CDK14: variants seen among roughly 807,000 people sequenced by gnomAD.
The protein encoded by CDK14 is cyclin-dependent kinase 14.
Under a neutral mutation model 60.7 loss-of-function variants are expected in CDK14, and 34 were observed. That is an observed-to-expected ratio of 0.56 (90% CI 0.43 to 0.75). The LOEUF (loss-of-function observed/expected upper bound fraction) is 0.75, where lower values mean the gene tolerates loss of function less well. Among genes scored for constraint, CDK14 ranks in the 30% least tolerant of loss-of-function variants. The probability of loss-of-function intolerance (pLI) is 0.00; values close to 1 mark genes in which losing one functional copy is unlikely to be tolerated. For synonymous variants in CDK14, 197 were observed against 203.7 expected (o/e 0.97, Z 0.28); for missense variants, 482 against 564.1 (o/e 0.85, Z 1.47).
chr7:90,856,954 C>A (rs1486700229), intron 5 of CDK14, among the ~76,000 whole-genome samples: 1 of 152,062 alleles, frequency 6.6e-6, no homozygotes, highest in South Asian at 2.1e-4. Context: ...ATGAAAGGAG[C>A]CTGTGAATGT....
chr7:90,826,421 G>T (rs182462047), intron 5 of CDK14, among the ~76,000 whole-genome samples: 2 of 151,974 alleles, frequency 1.3e-5, no homozygotes, highest in Non-Finnish European at 1.5e-5. Flanking sequence ...GTTTCACCAC[G>T]TTGTCCAGGC....
intron 14 of CDK14, among the ~76,000 whole-genome samples, chr7:91,128,815 C>T (rs974125990): frequency 7.2e-5 from 11 of 152,026 alleles, no homozygotes; most frequent in Admixed American, 1.3e-4. Flanking sequence ...CTTTCAATTC[C>T]GCATTGCAGA....
intron 6 of CDK14, among the ~76,000 whole-genome samples, chr7:90,884,124 A>G (rs1791865292): frequency 1.3e-5 from 2 of 151,874 alleles, no homozygotes; most frequent in South Asian, 2.1e-4. Flanking sequence ...AGGGTATTCA[A>G]AGAGAGAGGA....
intron 5 of CDK14, among the ~76,000 whole-genome samples, chr7:90,807,859 G>A (rs1470754287): frequency 6.6e-6 from 1 of 152,162 alleles, no homozygotes; most frequent in African/African-American, 2.4e-5. Flanking sequence ...GGAAGAAAGG[G>A]TATCAGTGAT....
chr7:91,053,807 G>A (rs1211958691), intron 11 of CDK14, among the ~76,000 whole-genome samples: 2 of 151,852 alleles, frequency 1.3e-5, no homozygotes, highest in Non-Finnish European at 2.9e-5. Flanking sequence ...GGAAGACTGC[G>A]GGGGGGCTCT....
intron 2 of CDK14, among the ~76,000 whole-genome samples, chr7:90,665,467 G>A (rs1800959789): frequency 6.6e-6 from 1 of 152,162 alleles, no homozygotes; most frequent in Non-Finnish European, 1.5e-5. Context: ...GCAATGGATA[G>A]CAAACAAACC....
intron 10 of CDK14, among the ~76,000 whole-genome samples, chr7:91,019,223 A>G (rs1480546666): frequency 6.6e-6 from 1 of 152,166 alleles, no homozygotes; most frequent in African/African-American, 2.4e-5. Context: ...CTTTCTCTTC[A>G]TCATCCCCAT....
chr7:90,818,256 G>C (rs1789425247), intron 5 of CDK14, among the ~76,000 whole-genome samples: 2 of 152,284 alleles, frequency 1.3e-5, no homozygotes, highest in South Asian at 4.1e-4. Context: ...TGGAAAAATG[G>C]ATTAACCAGA....
chr7:91,020,498 A>G (rs1228938111), intron 10 of CDK14, among the ~76,000 whole-genome samples: 2 of 152,216 alleles, frequency 1.3e-5, no homozygotes, highest in Non-Finnish European at 2.9e-5. Context: ...ATGTGTGTGT[A>G]CATGCATGCA....
At chr7:91,040,804 C>T (rs1280876368) in intron 10 of CDK14, among the ~76,000 whole-genome samples, 2 of 152,310 alleles carry the variant, frequency 1.3e-5, no homozygotes, top group East Asian at 3.9e-4. Context: ...GGGAAAAGCC[C>T]ATGGACTCCT....
intron 2 of CDK14, among the ~76,000 whole-genome samples, chr7:90,621,288 C>A (rs1332786742): frequency 2.6e-5 from 4 of 152,134 alleles, no homozygotes; most frequent in Admixed American, 6.5e-5. Context: ...TGTTTATTGT[C>A]TGGCAGGGGA....
chr7:90,812,819 T>A (rs138177103), intron 5 of CDK14, among the ~76,000 whole-genome samples: 1 of 152,256 alleles, frequency 6.6e-6, no homozygotes, highest in African/African-American at 2.4e-5. Context: ...GTTGGGAATA[T>A]CTGCTTGTGG....
chr7:90,995,550 G>T (rs1328544508), intron 10 of CDK14, among the ~76,000 whole-genome samples: 3 of 152,118 alleles, frequency 2.0e-5, no homozygotes, highest in Non-Finnish European at 4.4e-5. Flanking sequence ...CTTTTATAGA[G>T]ATATACTAAT....
chr7:90,907,229 T>G (rs1056425419), intron 7 of CDK14, among the ~76,000 whole-genome samples: 3 of 151,948 alleles, frequency 2.0e-5, no homozygotes, highest in Admixed American at 1.3e-4. Context: ...AATTCCCCAC[T>G]CCCTTTAAAG....
intron 4 of CDK14, among the ~76,000 whole-genome samples, chr7:90,786,185 A>C (rs1006363864): frequency 6.6e-6 from 1 of 152,228 alleles, no homozygotes; most frequent in African/African-American, 2.4e-5. Flanking sequence ...ATGGCTCTCT[A>C]TACAGCTTAA....
chr7:90,808,168 T>C (rs1413910656), intron 5 of CDK14, among the ~76,000 whole-genome samples: 1 of 152,008 alleles, frequency 6.6e-6, no homozygotes, highest in African/African-American at 2.4e-5. Context: ...AATTGTCAGG[T>C]TCACCAAAGT....
chr7:90,773,297 C>T (rs1389921566), intron 4 of CDK14, among the ~76,000 whole-genome samples: 1 of 152,122 alleles, frequency 6.6e-6, no homozygotes, highest in Non-Finnish European at 1.5e-5. Flanking sequence ...AGTCTGACCA[C>T]CTAGATCCAA....
At chr7:90,671,017 T>C (rs537495457) in intron 2 of CDK14, among the ~76,000 whole-genome samples, 2 of 149,894 alleles carry the variant, frequency 1.3e-5, no homozygotes, top group East Asian at 3.9e-4. Context: ...ATAGGGGAGG[T>C]TTTTATGTGG....
chr7:90,727,533 C>T (rs1253974825), intron 3 of CDK14, among the ~76,000 whole-genome samples: 2 of 152,060 alleles, frequency 1.3e-5, no homozygotes, highest in African/African-American at 4.8e-5. Context: ...AATTAATATA[C>T]ATTATTTACA....
Sources: gnomAD v4.1 joint callset for allele counts (sites outside exome capture counted in the v4.1 genomes callset) on GRCh38, gnomAD v4.1.1 for gene constraint, MANE v1.5 for transcripts, NCBI Gene and HGNC (gene_info 2026-07-23, HGNC 2026-07-21) for gene names.